MARF1: variants seen among roughly 807,000 people sequenced by gnomAD.
MARF1 encodes the protein limkain-b1.
Under a neutral mutation model 168.2 loss-of-function variants are expected in MARF1, and 24 were observed. The observed-to-expected ratio is 0.14, with a 90% CI of 0.10 to 0.20. MARF1 has a LOEUF of 0.20. MARF1 is among the 10% of genes least tolerant of loss of function. The pLI, the probability that MARF1 is intolerant of heterozygous loss-of-function variation, is 1.00. For synonymous variants in MARF1, 868 were observed against 822.4 expected (o/e 1.06, Z -0.95); for missense variants, 1,744 against 2,143.6 (o/e 0.81, Z 3.68).
intron 12 of MARF1, 106 bp downstream of exon 12, chr16:15,621,627 T>A (rs767749550): frequency 2.9e-4 from 312 of 1,060,102 alleles, no homozygotes; most frequent in Non-Finnish European, 3.9e-4. Context: ...CCACATGCAA[T>A]CATCACAAGG....
At chr16:15,628,700 G>A (rs1406733965) in intron 7 of MARF1, among the ~76,000 whole-genome samples, 2 of 152,274 alleles carry the variant, frequency 1.3e-5, no homozygotes, top group East Asian at 1.9e-4. Flanking sequence ...GCAGGCGTGA[G>A]CCACATCACT....
chr16:15,600,831 C>A, intron 23 of MARF1, 130 bp from the exon 24 acceptor site: 2 of 901,946 alleles, frequency 2.2e-6, no homozygotes, highest in Non-Finnish European at 3.7e-6. Flanking sequence ...TGCCAAGAAG[C>A]ATGTTTCTCT....
intron 21 of MARF1, among the ~76,000 whole-genome samples, chr16:15,607,320 G>A (rs1305029536): frequency 1.3e-5 from 2 of 152,144 alleles, no homozygotes. Context: ...AGGCTGAGGT[G>A]GGCGGATTAC....
intron 23 of MARF1, chr16:15,601,217 C>T: frequency 2.6e-6 from 1 of 381,978 alleles, no homozygotes; most frequent in South Asian, 2.0e-5. Context: ...CGCCAGGTCA[C>T]TGATCTCAGC....
In MARF1 at chr16:15,621,931, A is replaced by C. The variant is rs2034490060; in HGVS notation, c.2461-20T>G. On this transcript the variant is annotated intron_variant, in intron 11 of 26. Coordinates refer to ENST00000396368, the MANE Select transcript of MARF1 (RefSeq NM_014647.4). ...CTTCACCTACAACAGGAAAAGCGAA[A>C]ACTAAACGCTATGTCCGCCCAGAAC... 1 of 1,609,892 alleles carries C rather than the reference A, an allele frequency of 6.2e-7. No homozygotes were observed. The highest frequency in any genetic ancestry group is 8.5e-7 in the Non-Finnish European group (1 of 1,178,018).
intron 8 of MARF1, 85 bp from the exon 9 acceptor site, chr16:15,625,258 T>C (rs947825880): frequency 1.9e-6 from 3 of 1,562,824 alleles, no homozygotes; most frequent in Middle Eastern, 1.8e-4. Flanking sequence ...TGACTTTGAG[T>C]ATCATCAAAC....
At position 15,632,200 on chromosome 16, in the gene MARF1, T is replaced by C. The variant is rs1263387021; in HGVS notation, c.1234-702A>G. ...CTCCTTTCAGAAAATAAGTAGAATATAGGAAGTGAAATTTGAACTCAGTTA... is the reference window on the plus strand; with the variant it reads ...CTCCTTTCAGAAAATAAGTAGAATACAGGAAGTGAAATTTGAACTCAGTTA... On this transcript the variant is annotated intron_variant, in intron 5 of 26. Transcript: ENST00000396368. 2.6e-5 allele frequency among the ~76,000 whole-genome samples: 4 copies of C among 152,300 alleles called. No homozygotes were observed. In the East Asian group the frequency reaches 5.8e-4, roughly 22 times the overall value.
Position 15,611,754 on chromosome 16 carries a change from T to C in MARF1, c.3475-20A>G. On this transcript the variant is annotated intron_variant, in intron 17 of 26. Coordinates refer to ENST00000396368, the MANE Select transcript of MARF1 (RefSeq NM_014647.4). ...AAGAATCTGCAAAGCAAATAGTTTA[T>C]TTATACACATAAGACCTCAGCAGAC... is the stretch of plus-strand genomic sequence containing the variant. 1 of 1,612,602 alleles carries C rather than the reference T, an allele frequency of 6.2e-7. No homozygotes were observed. The highest frequency in any genetic ancestry group is 8.5e-7 in the Non-Finnish European group (1 of 1,178,954).
intron 16 of MARF1, among the ~76,000 whole-genome samples, chr16:15,613,005 T>C (rs1042280051): frequency 6.6e-6 from 1 of 152,196 alleles, no homozygotes; most frequent in Non-Finnish European, 1.5e-5. Flanking sequence ...ATCCTCAAAG[T>C]TAAGCGGCCA....
intron 21 of MARF1, among the ~76,000 whole-genome samples, chr16:15,605,240 G>A (rs945481829): frequency 6.6e-6 from 1 of 152,136 alleles, no homozygotes; most frequent in African/African-American, 2.4e-5. Context: ...CTGACAGCTT[G>A]TTTGCCCCCT....
intron 1 of MARF1, among the ~76,000 whole-genome samples, chr16:15,642,029 T>C (rs1370475102): frequency 6.6e-6 from 1 of 152,204 alleles, no homozygotes; most frequent in Non-Finnish European, 1.5e-5. Context: ...GGTGCAGCTT[T>C]GGACAACTCA....
At chr16:15,634,561 C>T (rs9928280) in intron 4 of MARF1, among the ~76,000 whole-genome samples, 196 bp downstream of exon 4, 16,799 of 151,990 alleles carry the variant, frequency 0.11, 1,332 homozygotes, top group African/African-American at 0.23. Flanking sequence ...TGTATAGCCT[C>T]GGCCCAACAT....
Position 15,611,032 on chromosome 16 carries a change from T to C in MARF1, c.3694A>G (p.Thr1232Ala), listed in dbSNP as rs1298133094. 6.2e-7 allele frequency: 1 copy of C among 1,613,976 alleles called. No individual in the cohort carries two copies. The highest frequency in any genetic ancestry group is 8.5e-7 in the Non-Finnish European group (1 of 1,179,830). ...LIDIVSEIPD[T>A]TICLSQQDNE... ...TCTTGTTGGGACAAGCAGATGGTTG[T>C]GTCTGGAATCTCTGATACGATGTCA... The change falls in exon 19 of 27, where the codon ACA (threonine) becomes GCA (alanine). Residue 1232 changes from threonine to alanine, a missense_variant. Thr to Ala is a moderately conservative substitution (Grantham distance 58, BLOSUM62 0). This residue lies in a region of MARF1 where 543 missense variants were observed against 742.1 expected (regional missense o/e 0.73). Transcript: ENST00000396368.
At chr16:15,629,950 A>G (rs555993046) in intron 7 of MARF1, among the ~76,000 whole-genome samples, 10 of 152,314 alleles carry the variant, frequency 6.6e-5, no homozygotes, top group African/African-American at 2.4e-4. Context: ...TTTGGTGCCA[A>G]CCACACAAGT....
chr16:15,616,796 T>A lies in MARF1; in HGVS notation c.3077+256A>T, dbSNP rs1017474369. 1.4e-5 allele frequency: 6 copies of A among 441,914 alleles called. No individual in the cohort carries two copies. In the South Asian group the frequency reaches 2.2e-4, roughly 17 times the overall value. The allele number at this position is 441,914 out of a possible 1,614,324, so 27.4% of individuals were successfully genotyped here. On this transcript the variant is annotated intron_variant, in intron 15 of 26. Transcript: ENST00000396368. ...TGTGAGCAACTATAACACAATGGTA[T>A]TTGTGTATCTAATCATCGAAAGGTC...
chr16:15,596,885 C>G lies in MARF1; in HGVS notation c.5037G>C (p.Lys1679Asn), dbSNP rs1336380195. The change falls in exon 27 of 27, where the codon AAG becomes AAC. Residue 1679 changes from lysine (K) to asparagine (N), a missense_variant. By Grantham distance (94) the Lys-to-Asn change is moderately conservative. Transcript: ENST00000396368. ...TGGAGTCAGAGGTCAGAGTTTTGCT[C>G]TTTCCTGGTATTGGAATCTCCATTT... The part of the protein sequence containing the change: ...EEKMEIPIPG[K>N]SKTLTSDSSS... The G allele has an allele frequency of 6.2e-7, 1 of 1,613,480 alleles. No individual in the cohort carries two copies. The highest frequency in any genetic ancestry group is 8.5e-7 in the Non-Finnish European group (1 of 1,179,638).
At position 15,611,639 on chromosome 16, in the gene MARF1, C is replaced by T; in HGVS notation, c.3570G>A (p.Gln1190=). Residue 1190 remains glutamine, a synonymous_variant, in exon 18 of 27, where the codon CAG becomes CAA. Transcript: ENST00000396368. ...CTCTCACAATGACCTGTTTGCTGGCCTGGGATTTGAGAAGTTTTAGTAAAT... is the reference window on the plus strand; with the variant it reads ...CTCTCACAATGACCTGTTTGCTGGCTTGGGATTTGAGAAGTTTTAGTAAAT... ...TQDLLKLLKS[Q]ASKQVIVREF... 1.9e-6 allele frequency: 3 copies of T among 1,614,084 alleles called. No homozygotes were observed. In the South Asian group the frequency reaches 3.3e-5, roughly 18 times the overall value.
At position 15,630,269 on chromosome 16, in the gene MARF1, G is replaced by A. The variant is rs2035161075; in HGVS notation, c.1524+63C>T. 4.1e-6 allele frequency: 6 copies of A among 1,476,086 alleles called. No individual in the cohort carries two copies. The East Asian group carries it at 1.4e-4, about 35-fold the overall frequency. 91.4% of individuals were successfully genotyped at this position (1,476,086 alleles called of 1,614,324 possible). A position where few individuals can be genotyped will look rare whatever the true frequency, so the allele number is the denominator to read the frequency against. On this transcript the variant is annotated intron_variant, in intron 7 of 26. Transcript: ENST00000396368. ...GGGCCTGGCAACCCCCTTATTATGG[G>A]CTGTCTTTCAGCCTCCACAATGTAA...
At chr16:15,600,321 A>G in intron 25 of MARF1, 107 bp downstream of exon 25, 1 of 1,435,048 alleles carries the variant, frequency 7.0e-7, no homozygotes, top group Admixed American at 1.9e-5. Context: ...ATGTAACTTC[A>G]GCAGATTGGA....
Sources: allele counts gnomAD v4.1 joint callset (sites outside exome capture counted in the v4.1 genomes callset), GRCh38; gene constraint gnomAD v4.1.1; regional missense constraint gnomAD v4.1.1; transcripts MANE v1.5; gene names NCBI Gene and HGNC (gene_info 2026-07-23, HGNC 2026-07-21).